The following SPATA17 variants were observed in gnomAD, a reference collection of about 807,000 sequenced individuals.
The protein encoded by SPATA17 is spermatogenesis associated 17, also known as spermatogenesis-associated protein 17.
SPATA17 carries 53 observed loss-of-function variants against 62.2 expected under a neutral mutation model. The ratio of observed to expected loss-of-function variants is 0.85; its 90% CI spans 0.68 to 1.07. The LOEUF (loss-of-function observed/expected upper bound fraction) is 1.07. Among genes scored for constraint, SPATA17 ranks in the 50% least tolerant of loss-of-function variants. The pLI is 0.00. For missense variants in SPATA17, 466 were observed against 425.5 expected, an observed-to-expected ratio of 1.10 and a Z score of -0.84; for synonymous variants, 146 against 146.8, an observed-to-expected ratio of 0.99 and a Z score of 0.04.
In SPATA17 at chr1:217,727,039, G is replaced by A. The variant is rs113481976; in HGVS notation, c.396-14936G>A. 3.6e-3 allele frequency among the ~76,000 whole-genome samples: 540 copies of A among 152,020 alleles called. 3 individuals carry two copies. Among genetic ancestry groups the A allele is most frequent in the African/African-American group, 0.012 (512 of 41,494 alleles). On this transcript the variant is annotated intron_variant, in intron 5 of 10. Coordinates refer to ENST00000366933, the MANE Select transcript of SPATA17 (RefSeq NM_138796.4). ...GAGGCGGGCGGATCACCTGAGGTCA[G>A]GAGTTAGAGACCAACCTGACCAACA...
intron 5 of SPATA17, among the ~76,000 whole-genome samples, chr1:217,730,194 A>C (rs563736503): frequency 8.3e-4 from 127 of 152,180 alleles, no homozygotes; most frequent in Non-Finnish European, 2.2e-4. Flanking sequence ...TAAGTAAAGC[A>C]ATGAACAATG....
chr1:217,831,181 G>T (rs1470312964), intron 9 of SPATA17, among the ~76,000 whole-genome samples: 1 of 152,052 alleles, frequency 6.6e-6, no homozygotes, highest in Non-Finnish European at 1.5e-5. Flanking sequence ...AAATTAGATG[G>T]TAGTTATTAT....
intron 8 of SPATA17, among the ~76,000 whole-genome samples, chr1:217,790,867 G>T (rs1359121101): frequency 6.6e-6 from 1 of 152,160 alleles, no homozygotes; most frequent in African/African-American, 2.4e-5. Context: ...TTTACAATGT[G>T]GCATACACGG....
chr1:217,862,643 G>A (rs923433417), intron 9 of SPATA17, 131 bp from the exon 10 acceptor site: 1 of 651,764 alleles, frequency 1.5e-6, no homozygotes, highest in African/African-American at 1.8e-5. Context: ...TTTGTTTTGA[G>A]AGTATAATGG....
At chr1:217,834,552 A>G (rs1675218973) in intron 9 of SPATA17, among the ~76,000 whole-genome samples, 2 of 152,276 alleles carry the variant, frequency 1.3e-5, no homozygotes, top group South Asian at 4.1e-4. Context: ...AAAATTTTAA[A>G]AAGTTAAAAA....
intron 5 of SPATA17, among the ~76,000 whole-genome samples, chr1:217,731,214 ACT>A (rs1453523349): frequency 6.6e-6 from 1 of 151,268 alleles, no homozygotes; most frequent in Admixed American, 6.6e-5. Context: ...TTCATTGTAC[ACT>A]CTATAGATGA....
intron 6 of SPATA17, among the ~76,000 whole-genome samples, chr1:217,743,760 C>T (rs1446274692): frequency 6.6e-6 from 1 of 152,052 alleles, no homozygotes; most frequent in African/African-American, 2.4e-5. Flanking sequence ...CAGGCATCCA[C>T]CACCATGCCA....
chr1:217,764,086 G>A (rs745804541), intron 6 of SPATA17, among the ~76,000 whole-genome samples: 4 of 152,060 alleles, frequency 2.6e-5, no homozygotes, highest in Non-Finnish European at 5.9e-5. Context: ...ACATGGATAC[G>A]TCATTAGCAC....
At chr1:217,665,734 C>G (rs904899194) in intron 3 of SPATA17, among the ~76,000 whole-genome samples, 1 of 152,114 alleles carries the variant, frequency 6.6e-6, no homozygotes, top group East Asian at 1.9e-4. Flanking sequence ...ATAAGTATAA[C>G]CTCTGTGGTC....
At chr1:217,718,063 A>C (rs1672048566) in intron 5 of SPATA17, among the ~76,000 whole-genome samples, 3 of 152,214 alleles carry the variant, frequency 2.0e-5, no homozygotes, top group Admixed American at 6.5e-5. Flanking sequence ...TCAGATTAGG[A>C]ATGTTGTTTT....
At chr1:217,707,465 G>C (rs1671762460) in intron 5 of SPATA17, among the ~76,000 whole-genome samples, 1 of 152,102 alleles carries the variant, frequency 6.6e-6, no homozygotes, top group Non-Finnish European at 1.5e-5. Context: ...GTACTATGTT[G>C]AGTAGGAGTG....
intron 5 of SPATA17, among the ~76,000 whole-genome samples, chr1:217,690,470 T>A (rs1671323634): frequency 3.4e-5 from 1 of 29,408 alleles, no homozygotes; most frequent in East Asian, 5.0e-4. Flanking sequence ...TATTTTATTT[T>A]TTATTTTTTT....
intron 5 of SPATA17, among the ~76,000 whole-genome samples, chr1:217,730,437 G>A (rs1005192581): frequency 6.6e-6 from 1 of 151,896 alleles, no homozygotes; most frequent in Non-Finnish European, 1.5e-5. Flanking sequence ...TGCTGATCTC[G>A]AACTCCTGAC....
intron 5 of SPATA17, among the ~76,000 whole-genome samples, chr1:217,740,436 AGTT>A (rs1288562831): frequency 6.6e-6 from 1 of 152,102 alleles, no homozygotes; most frequent in Non-Finnish European, 1.5e-5. Context: ...TCCCAGCAAA[AGTT>A]CTTATTTAGT....
chr1:217,853,054 C>T (rs1675700409), intron 9 of SPATA17, among the ~76,000 whole-genome samples: 1 of 152,072 alleles, frequency 6.6e-6, no homozygotes, highest in Non-Finnish European at 1.5e-5. Flanking sequence ...TTCTCACTGC[C>T]TAGAATACTG....
At chr1:217,823,873 G>A (rs992307395) in intron 9 of SPATA17, among the ~76,000 whole-genome samples, 17 of 151,652 alleles carry the variant, frequency 1.1e-4, no homozygotes, top group Admixed American at 3.3e-4. Flanking sequence ...GAACTTCTTC[G>A]TCTCTTTTTA....
intron 5 of SPATA17, among the ~76,000 whole-genome samples, chr1:217,684,897 T>A (rs905613121): frequency 1.3e-4 from 20 of 152,298 alleles, no homozygotes; most frequent in African/African-American, 4.6e-4. Context: ...CTTTGAGGAT[T>A]ACCTATAGAG....
chr1:217,825,903 T>C (rs1328194525), intron 9 of SPATA17, among the ~76,000 whole-genome samples: 1 of 152,172 alleles, frequency 6.6e-6, no homozygotes, highest in Non-Finnish European at 1.5e-5. Flanking sequence ...TTCATGTAGA[T>C]TCTACACATT....
At chr1:217,699,222 A>G (rs1015738504) in intron 5 of SPATA17, among the ~76,000 whole-genome samples, 10 of 152,216 alleles carry the variant, frequency 6.6e-5, no homozygotes, top group African/African-American at 2.4e-4. Context: ...ATAAATACCC[A>G]AGGGTGCAAG....
Sources: allele counts gnomAD v4.1 joint callset (sites outside exome capture counted in the v4.1 genomes callset), GRCh38; gene constraint gnomAD v4.1.1; transcripts MANE v1.5; gene names NCBI Gene and HGNC (gene_info 2026-07-23, HGNC 2026-07-21).